Variants in RGSL1 observed in about 807,000 individuals in gnomAD.
RGSL1 encodes regulator of G protein signaling like 1.
Under a neutral mutation model 124.7 loss-of-function variants are expected in RGSL1, and 97 were observed. The observed-to-expected ratio is 0.78, with a 90% CI of 0.66 to 0.92. The LOEUF is 0.92. Among genes scored for constraint, RGSL1 ranks in the 40% least tolerant of loss-of-function variants. The pLI, the probability that RGSL1 is intolerant of heterozygous loss-of-function variation, is 0.00. For missense variants in RGSL1, 1,233 were observed against 1,288.4 expected (o/e 0.96, Z 0.66); for synonymous variants, 424 against 438.1 (o/e 0.97, Z 0.40).
chr1:182,528,243 TC>T (rs1413223531), intron 11 of RGSL1, among the ~76,000 whole-genome samples: 7 of 152,034 alleles, frequency 4.6e-5, no homozygotes, highest in African/African-American at 1.4e-4. Context: ...TTCAATTATC[TC>T]CACCTGGTCC....
At chr1:182,558,808 G>A (rs1661007807) in intron 21 of RGSL1, among the ~76,000 whole-genome samples, 2 of 152,118 alleles carry the variant, frequency 1.3e-5, no homozygotes, top group Non-Finnish European at 2.9e-5. Context: ...GGCCCACCCA[G>A]ACAATCCAGA....
chr1:182,494,211 T>C (rs756283668), intron 9 of RGSL1, among the ~76,000 whole-genome samples: 2 of 152,230 alleles, frequency 1.3e-5, no homozygotes, highest in Non-Finnish European at 2.9e-5. Context: ...GTCCAGTATC[T>C]GCTATGTAAC....
At chr1:182,542,239 A>G (rs928272285) in intron 15 of RGSL1, among the ~76,000 whole-genome samples, 1 of 152,170 alleles carries the variant, frequency 6.6e-6, no homozygotes, top group Non-Finnish European at 1.5e-5. Context: ...TGATTTTTGT[A>G]TATGGTGAGA....
intron 9 of RGSL1, among the ~76,000 whole-genome samples, chr1:182,507,701 AT>A (rs61290781): frequency 0.021 from 3,049 of 145,994 alleles, 97 homozygotes; most frequent in African/African-American, 0.069. Flanking sequence ...GGGAGTGCAG[AT>A]TTTTTTTTTT....
At chr1:182,456,980 C>T (rs1571462957) in intron 2 of RGSL1, among the ~76,000 whole-genome samples, 1 of 152,068 alleles carries the variant, frequency 6.6e-6, no homozygotes, top group South Asian at 2.1e-4. Context: ...AACCCCATCT[C>T]TACTGAAAAT....
At position 182,515,003 on chromosome 1, in the gene RGSL1, C is replaced by T. The variant is rs540938091; in HGVS notation, c.1826-7001C>T. ...GTAGAAGTGTCCCTCATTTCCCTTC[C>T]TTCTTTCAGTGAAAACTCAGGGTGT... On this transcript the variant is annotated intron_variant, in intron 9 of 21. Coordinates refer to ENST00000294854, the MANE Select transcript of RGSL1 (RefSeq NM_001137669.2). 1.1e-4 allele frequency among the ~76,000 whole-genome samples: 17 copies of T among 152,270 alleles called. No homozygotes were observed. The East Asian group carries it at 3.1e-3, about 28-fold the overall frequency.
At chr1:182,542,041 T>G (rs746301662) in intron 15 of RGSL1, among the ~76,000 whole-genome samples, 11 of 152,204 alleles carry the variant, frequency 7.2e-5, no homozygotes, top group Admixed American at 1.3e-4. Flanking sequence ...CTCTTTACTT[T>G]GTTGATTGTT....
intron 15 of RGSL1, among the ~76,000 whole-genome samples, chr1:182,547,605 T>C (rs548789914): frequency 6.6e-6 from 1 of 152,326 alleles, no homozygotes; most frequent in East Asian, 1.9e-4. Flanking sequence ...CTCATGCCTG[T>C]AGTCCCAGCA....
chr1:182,473,912 A>C lies in RGSL1; in HGVS notation c.801A>C (p.Glu267Asp). The C allele has an allele frequency of 2.6e-6, 4 of 1,552,006 alleles. No homozygotes were observed. Among genetic ancestry groups the C allele is most frequent in the Non-Finnish European group, 3.5e-6 (4 of 1,147,046 alleles). The change falls in exon 6 of 22, where the codon GAA becomes GAC. Residue 267 changes from glutamate (E) to aspartate (D), a missense_variant. By Grantham distance (45) the Glu-to-Asp change is conservative. Transcript: ENST00000294854. ...TAGATCCTGACTCTTGGTCTCTGGA[A>C]ATGGATCTCAAGCCAGATGCTATTG... ...QLVDPDSWSL[E>D]MDLKPDAIGM...
chr1:182,519,176 T>G (rs1658144134), intron 9 of RGSL1, among the ~76,000 whole-genome samples: 1 of 152,198 alleles, frequency 6.6e-6, no homozygotes, highest in South Asian at 2.1e-4. Flanking sequence ...AGTCAATATT[T>G]ATTTAGGTTA....
At chr1:182,542,440 A>T (rs1325151878) in intron 15 of RGSL1, among the ~76,000 whole-genome samples, 1 of 152,198 alleles carries the variant, frequency 6.6e-6, no homozygotes, top group Non-Finnish European at 1.5e-5. Context: ...TTTTTATGCC[A>T]GCACCATGCT....
At chr1:182,479,682 A>G (rs936914235) in intron 6 of RGSL1, among the ~76,000 whole-genome samples, 3 of 152,216 alleles carry the variant, frequency 2.0e-5, no homozygotes, top group African/African-American at 4.8e-5. Context: ...TAACTCTGCA[A>G]TCAAAAGACA....
At chr1:182,500,009 C>T (rs1431778205) in intron 9 of RGSL1, among the ~76,000 whole-genome samples, 1 of 152,074 alleles carries the variant, frequency 6.6e-6, no homozygotes, top group African/African-American at 2.4e-5. Context: ...CAAAAGTTTT[C>T]AATTTTGGTG....
intron 4 of RGSL1, 34 bp from the exon 5 acceptor site, chr1:182,472,362 G>GT: frequency 6.5e-7 from 1 of 1,529,204 alleles, no homozygotes. Flanking sequence ...CAAAACTAGG[G>GT]TATAGCTCTG....
chr1:182,483,663 G>T (rs1355453424), intron 6 of RGSL1, among the ~76,000 whole-genome samples: 1 of 151,420 alleles, frequency 6.6e-6, no homozygotes, highest in African/African-American at 2.4e-5. Context: ...TTCATTTTAC[G>T]TTCAGGGGTA....
chr1:182,473,416 C>G (rs1490538875), intron 5 of RGSL1, among the ~76,000 whole-genome samples, 159 bp from the exon 6 acceptor site: 1 of 152,008 alleles, frequency 6.6e-6, no homozygotes, highest in Non-Finnish European at 1.5e-5. Flanking sequence ...AAAAATGTGT[C>G]GACTCTATAT....
At chr1:182,513,235 CA>C (rs1182836974) in intron 9 of RGSL1, among the ~76,000 whole-genome samples, 1 of 152,338 alleles carries the variant, frequency 6.6e-6, no homozygotes, top group East Asian at 1.9e-4. Context: ...TTCCTGCTGA[CA>C]GGGGGCATTG....
intron 14 of RGSL1, among the ~76,000 whole-genome samples, chr1:182,539,074 C>CAACAAATGTCAGTAGCCAAAAAACAAAA (rs1659727721): frequency 1.3e-5 from 2 of 152,084 alleles, no homozygotes; most frequent in African/African-American, 4.8e-5. Flanking sequence ...GTGAGCTACT[C>CAACAAATGTCAGTAGCCAAAAAACAAAA]AACAAATGTC....
intron 9 of RGSL1, among the ~76,000 whole-genome samples, chr1:182,495,603 A>G (rs1655853645): frequency 6.6e-6 from 1 of 152,148 alleles, no homozygotes; most frequent in African/African-American, 2.4e-5. Flanking sequence ...GTTCGCCGCC[A>G]AAGTTCTGCT....
Sources: allele counts gnomAD v4.1 joint callset (sites outside exome capture counted in the v4.1 genomes callset), GRCh38; gene constraint gnomAD v4.1.1; transcripts MANE v1.5; gene names NCBI Gene and HGNC (gene_info 2026-07-23, HGNC 2026-07-21).